The following SPOP variants were observed in gnomAD, a reference collection of about 807,000 sequenced individuals.
SPOP encodes speckle-type POZ protein.
A neutral mutation model predicts 45.6 loss-of-function variants in SPOP; 11 were observed. That is an observed-to-expected ratio of 0.24 (90% CI 0.15 to 0.40). The LOEUF is 0.40. SPOP is among the 10% of genes least tolerant of loss of function. The pLI is 1.00. For synonymous variants in SPOP, 166 were observed against 166.3 expected, an observed-to-expected ratio of 1.00 and a Z score of 0.01; for missense variants, 152 against 465.6, an observed-to-expected ratio of 0.33 and a Z score of 6.20.
chr17:49,611,198 G>A (rs1484269746), intron 6 of SPOP, 82 bp downstream of exon 6: 5 of 1,475,700 alleles, frequency 3.4e-6, no homozygotes, highest in South Asian at 2.6e-5. Context: ...AAAAGTTGAA[G>A]TTGTTCAAAA....
intron 1 of SPOP, among the ~76,000 whole-genome samples, chr17:49,631,514 G>GA (rs1410474673): frequency 6.6e-6 from 1 of 152,062 alleles, no homozygotes; most frequent in Non-Finnish European, 1.5e-5. Context: ...ATTTAAAAAG[G>GA]AATTAGCAGC....
At chr17:49,671,076 T>C (rs2073129700) in intron 1 of SPOP, among the ~76,000 whole-genome samples, 1 of 151,918 alleles carries the variant, frequency 6.6e-6, no homozygotes. Context: ...TCATGAGAGG[T>C]GGGGACAACG....
At chr17:49,623,367 A>G (rs1328386798) in intron 1 of SPOP, among the ~76,000 whole-genome samples, 1 of 152,188 alleles carries the variant, frequency 6.6e-6, no homozygotes, top group Admixed American at 6.6e-5. Context: ...GTAGTCACCT[A>G]GTCACAATTA....
chr17:49,605,762 C>G (rs1005474745), intron 8 of SPOP, among the ~76,000 whole-genome samples: 8 of 151,694 alleles, frequency 5.3e-5, no homozygotes, highest in African/African-American at 1.9e-4. Flanking sequence ...CAGAGGTGGG[C>G]GGATCACTTG....
chr17:49,618,538 C>A (rs1333388576), intron 5 of SPOP: 1 of 456,380 alleles, frequency 2.2e-6, no homozygotes, highest in Non-Finnish European at 4.4e-6. Flanking sequence ...CAAGACAAAC[C>A]ATAGGCCTCA....
intron 1 of SPOP, among the ~76,000 whole-genome samples, chr17:49,635,642 T>C (rs996994502): frequency 6.7e-6 from 1 of 149,974 alleles, no homozygotes; most frequent in African/African-American, 2.4e-5. Context: ...CTTTTTTTTT[T>C]TTTTTTTTTT....
chr17:49,632,163 T>C (rs1471993891), intron 1 of SPOP, among the ~76,000 whole-genome samples: 1 of 152,176 alleles, frequency 6.6e-6, no homozygotes, highest in Non-Finnish European at 1.5e-5. Context: ...AGTTTAGGAG[T>C]TGTTGAATGA....
rs888072461 is a variant in SPOP at position 49,624,429 on chromosome 17, G to A, written c.-66-1553C>T. ...ATAGTAATCATTTCACTATGCATATGCAAATCAAAACATTATGCTGCATAC... is the reference window on the plus strand; with the variant it reads ...ATAGTAATCATTTCACTATGCATATACAAATCAAAACATTATGCTGCATAC... On this transcript the variant is annotated intron_variant, in intron 1 of 9. Coordinates refer to ENST00000504102, the MANE Select transcript of SPOP (RefSeq NM_001007228.2). Among the ~76,000 whole-genome samples the A allele has an allele frequency of 2.0e-5, 3 of 151,904 alleles. No individual in the cohort carries two copies. The South Asian group carries it at 6.2e-4, about 32-fold the overall frequency.
intron 1 of SPOP, among the ~76,000 whole-genome samples, chr17:49,664,617 G>C (rs1278739505): frequency 1.3e-5 from 2 of 152,130 alleles, no homozygotes; most frequent in Non-Finnish European, 2.9e-5. Context: ...GAGAATCACT[G>C]TTCTAAGAAA....
chr17:49,624,280 T>C (rs1298572237), intron 1 of SPOP, among the ~76,000 whole-genome samples: 3 of 151,786 alleles, frequency 2.0e-5, no homozygotes, highest in African/African-American at 7.3e-5. Flanking sequence ...CCAGAAGAGA[T>C]TTTAGGTGCT....
chr17:49,626,282 T>C (rs571483107), intron 1 of SPOP, among the ~76,000 whole-genome samples: 13 of 152,358 alleles, frequency 8.5e-5, no homozygotes, highest in African/African-American at 2.9e-4. Flanking sequence ...TTATAGTTCA[T>C]TCTATAATAG....
chr17:49,610,508 C>T (rs1234941669), intron 6 of SPOP, among the ~76,000 whole-genome samples: 4 of 152,154 alleles, frequency 2.6e-5, no homozygotes, highest in Admixed American at 1.3e-4. Context: ...CATGAGCCAC[C>T]GCGCCCGTGA....
intron 1 of SPOP, among the ~76,000 whole-genome samples, chr17:49,637,737 G>T (rs892914298): frequency 6.6e-6 from 1 of 152,226 alleles, no homozygotes; most frequent in Non-Finnish European, 1.5e-5. Context: ...AGAAAAGAGA[G>T]ATCACTGTTG....
intron 5 of SPOP, among the ~76,000 whole-genome samples, chr17:49,617,456 C>T (rs911731156): frequency 1.3e-5 from 2 of 152,270 alleles, no homozygotes; most frequent in African/African-American, 4.8e-5. Flanking sequence ...AAAAGAACTG[C>T]CACATTTTAT....
chr17:49,632,561 C>T (rs1444058876), intron 1 of SPOP, among the ~76,000 whole-genome samples: 3 of 151,606 alleles, frequency 2.0e-5, no homozygotes, highest in Admixed American at 6.6e-5. Flanking sequence ...GGCATGGTCT[C>T]GGCTCACTGC....
At chr17:49,650,616 AAAAC>A (rs1320326559) in intron 1 of SPOP, among the ~76,000 whole-genome samples, 3 of 152,198 alleles carry the variant, frequency 2.0e-5, no homozygotes, top group Non-Finnish European at 4.4e-5. Flanking sequence ...AATAAGTAGA[AAAAC>A]AAAAAGTAGA....
Position 49,669,062 on chromosome 17 carries a change from C to T in SPOP, c.-67+8871G>A, listed in dbSNP as rs540754492. Among the ~76,000 whole-genome samples the T allele has an allele frequency of 3.4e-4, 43 of 125,724 alleles. No homozygotes were observed. In the East Asian group the frequency reaches 1.0e-2, roughly 29 times the overall value. 82.5% of individuals were successfully genotyped at this position (125,724 alleles called of 152,430 possible). A position where few individuals can be genotyped will look rare whatever the true frequency, so the allele number is the denominator to read the frequency against. ...AAGTGCTGGGATTACAGGCGCGAGC[C>T]ACCGCGCCCGGCCTTTTTTTTTTGA... On this transcript the variant is annotated intron_variant, in intron 1 of 9. Coordinates refer to ENST00000504102, the MANE Select transcript of SPOP (RefSeq NM_001007228.2).
At position 49,650,978 on chromosome 17, in the gene SPOP, G is replaced by T. The variant is rs1272072626; in HGVS notation, c.-67+26955C>A. Among the ~76,000 whole-genome samples the T allele has an allele frequency of 2.0e-5, 3 of 152,282 alleles. No homozygotes were observed. The East Asian group carries it at 5.8e-4, about 29-fold the overall frequency. ...AACTGAACCCCAAAGCAGCTTAGTG[G>T]CTTGCCCAATGTGTTAATAATACAC... On this transcript the variant is annotated intron_variant, in intron 1 of 9. Transcript: ENST00000504102.
At chr17:49,632,279 C>G (rs1414826422) in intron 1 of SPOP, among the ~76,000 whole-genome samples, 2 of 152,162 alleles carry the variant, frequency 1.3e-5, no homozygotes, top group Admixed American at 1.3e-4. Flanking sequence ...CATTACAAAA[C>G]TATTTATACC....
Sources: allele counts gnomAD v4.1 joint callset (sites outside exome capture counted in the v4.1 genomes callset), GRCh38; gene constraint gnomAD v4.1.1; transcripts MANE v1.5; gene names NCBI Gene and HGNC (gene_info 2026-07-23, HGNC 2026-07-21).